Variants in DNAJC3 observed in about 807,000 individuals in gnomAD.
DNAJC3 encodes dnaJ homolog subfamily C member 3.
A neutral mutation model predicts 68.6 loss-of-function variants in DNAJC3; 38 were observed. That is an observed-to-expected ratio of 0.55 (90% CI 0.43 to 0.73). The LOEUF (loss-of-function observed/expected upper bound fraction) is 0.73, where lower values mean the gene tolerates loss of function less well. Ranked by LOEUF, DNAJC3 falls within the 30% of genes least tolerant of loss-of-function variation. The probability of loss-of-function intolerance (pLI) is 0.00; values close to 1 mark genes in which losing one functional copy is unlikely to be tolerated. For synonymous variants in DNAJC3, 203 were observed against 204.0 expected (o/e 1.00, Z 0.04); for missense variants, 526 against 591.9 (o/e 0.89, Z 1.16).
At chr13:95,731,040 C>T (rs2139648385) in intron 4 of DNAJC3, among the ~76,000 whole-genome samples, 1 of 151,536 alleles carries the variant, frequency 6.6e-6, no homozygotes, top group Middle Eastern at 3.4e-3. Context: ...AAATTTTTTC[C>T]TGGGTATTTT....
chr13:95,739,843 T>C (rs560067558), intron 4 of DNAJC3, among the ~76,000 whole-genome samples: 5 of 152,374 alleles, frequency 3.3e-5, no homozygotes, highest in South Asian at 2.1e-4. Flanking sequence ...AGCTTTGTTC[T>C]GTTGCTGGTG....
intron 4 of DNAJC3, among the ~76,000 whole-genome samples, chr13:95,746,674 G>T (rs1882316183): frequency 6.6e-6 from 1 of 152,160 alleles, no homozygotes; most frequent in African/African-American, 2.4e-5. Flanking sequence ...TTGGTTAAAT[G>T]AGCTTTTTGT....
chr13:95,691,170 G>A (rs1466705620), intron 1 of DNAJC3, among the ~76,000 whole-genome samples: 3 of 150,934 alleles, frequency 2.0e-5, no homozygotes, highest in African/African-American at 4.9e-5. Context: ...CCTCCCGGAC[G>A]GGGCTGCTGG....
At chr13:95,784,406 G>A (rs1280366807) in intron 9 of DNAJC3, among the ~76,000 whole-genome samples, 2 of 152,092 alleles carry the variant, frequency 1.3e-5, no homozygotes, top group African/African-American at 4.8e-5. Flanking sequence ...CCAGGCAGAA[G>A]ATTCCAGGAC....
intron 2 of DNAJC3, among the ~76,000 whole-genome samples, chr13:95,721,522 C>T (rs558662659): frequency 6.6e-6 from 1 of 152,246 alleles, no homozygotes; most frequent in East Asian, 1.9e-4. Flanking sequence ...ATCTTACATC[C>T]CACCAACAGC....
intron 1 of DNAJC3, among the ~76,000 whole-genome samples, chr13:95,697,271 C>G (rs531850592): frequency 6.6e-6 from 1 of 152,078 alleles, no homozygotes; most frequent in African/African-American, 2.4e-5. Context: ...GTTTCTCTTT[C>G]GTTTATGAAG....
intron 1 of DNAJC3, among the ~76,000 whole-genome samples, chr13:95,679,377 G>A (rs751568311): frequency 6.6e-6 from 1 of 151,948 alleles, no homozygotes; most frequent in Non-Finnish European, 1.5e-5. Context: ...CTGAAATTTT[G>A]CGTTTCTAGA....
At chr13:95,695,521 G>A (rs886547568) in intron 1 of DNAJC3, 1 of 152,080 alleles carries the variant, frequency 6.6e-6, no homozygotes, top group Admixed American at 6.5e-5. Flanking sequence ...ATAATATTCT[G>A]CCCATTAAGT....
intron 9 of DNAJC3, among the ~76,000 whole-genome samples, chr13:95,773,548 T>C (rs1430890664): frequency 6.6e-6 from 1 of 152,104 alleles, no homozygotes; most frequent in Non-Finnish European, 1.5e-5. Context: ...TTACATCTTT[T>C]AAGGAATGTT....
intron 1 of DNAJC3, among the ~76,000 whole-genome samples, chr13:95,699,961 G>A (rs879189395): frequency 6.6e-6 from 1 of 152,126 alleles, no homozygotes; most frequent in Non-Finnish European, 1.5e-5. Flanking sequence ...GGGACTACAG[G>A]TGTGTGTCAC....
chr13:95,749,923 G>T (rs570101267), intron 4 of DNAJC3, among the ~76,000 whole-genome samples: 1 of 152,172 alleles, frequency 6.6e-6, no homozygotes, highest in African/African-American at 2.4e-5. Context: ...GGTGGCCCAT[G>T]CCTGTAGTCC....
intron 9 of DNAJC3, among the ~76,000 whole-genome samples, chr13:95,772,715 T>C (rs1488990665): frequency 5.3e-5 from 8 of 152,222 alleles, no homozygotes; most frequent in Non-Finnish European, 1.2e-4. Flanking sequence ...AAATATTTGC[T>C]GTTTCTTTTT....
At chr13:95,698,470 T>C (rs1880506091) in intron 1 of DNAJC3, among the ~76,000 whole-genome samples, 1 of 152,160 alleles carries the variant, frequency 6.6e-6, no homozygotes, top group African/African-American at 2.4e-5. Context: ...GCACTAGTCC[T>C]GATAGGGGTG....
intron 1 of DNAJC3, among the ~76,000 whole-genome samples, chr13:95,685,704 T>C (rs1880056323): frequency 6.6e-6 from 1 of 152,010 alleles, no homozygotes; most frequent in Non-Finnish European, 1.5e-5. Context: ...TTTTTAGAAA[T>C]CTCCATATTG....
chr13:95,747,559 A>G (rs898078038), intron 4 of DNAJC3, among the ~76,000 whole-genome samples: 1 of 152,170 alleles, frequency 6.6e-6, no homozygotes, highest in Non-Finnish European at 1.5e-5. Flanking sequence ...GATTATAAGG[A>G]GGACATTATA....
intron 2 of DNAJC3, among the ~76,000 whole-genome samples, chr13:95,718,710 A>G (rs1881229083): frequency 2.0e-5 from 3 of 152,158 alleles, no homozygotes; most frequent in African/African-American, 7.2e-5. Flanking sequence ...CAGAAAATTG[A>G]TTCTTGATTC....
intron 4 of DNAJC3, among the ~76,000 whole-genome samples, chr13:95,740,412 C>T (rs1336396745): frequency 3.3e-5 from 5 of 151,514 alleles, no homozygotes; most frequent in Non-Finnish European, 4.4e-5. Flanking sequence ...CCCCCAGCCT[C>T]GCTGCCGCCT....
intron 2 of DNAJC3, among the ~76,000 whole-genome samples, chr13:95,717,498 G>A (rs1021453013): frequency 6.6e-6 from 1 of 152,208 alleles, no homozygotes; most frequent in African/African-American, 2.4e-5. Flanking sequence ...TTGAATGAAG[G>A]AGTTCAGTTG....
rs577476302 is a variant in DNAJC3, at chr13:95,756,956, C to G, written c.394-688C>G. On this transcript the variant is annotated intron_variant, in intron 4 of 11. Coordinates refer to ENST00000602402, the MANE Select transcript of DNAJC3 (RefSeq NM_006260.5). ...TAAAACTGTGGTGATGGCTGCACAACTTGGTAAATTTATTTTTTAAAAAAT... is the reference window on the plus strand; with the variant it reads ...TAAAACTGTGGTGATGGCTGCACAAGTTGGTAAATTTATTTTTTAAAAAAT... Among the ~76,000 whole-genome samples the G allele has an allele frequency of 1.7e-4, 26 of 152,088 alleles. No homozygotes were observed. In the East Asian group the frequency reaches 4.6e-3, roughly 27 times the overall value.
Sources: gnomAD v4.1 joint callset for allele counts (sites outside exome capture counted in the v4.1 genomes callset) on GRCh38, gnomAD v4.1.1 for gene constraint, MANE v1.5 for transcripts, NCBI Gene and HGNC (gene_info 2026-07-23, HGNC 2026-07-21) for gene names.